The following NFYC variants were observed in gnomAD, a reference collection of about 807,000 sequenced individuals.
The protein encoded by NFYC is CAAT box DNA-binding protein subunit C.
NFYC carries 25 observed loss-of-function variants against 53.1 expected under a neutral mutation model. The ratio of observed to expected loss-of-function variants is 0.47; its 90% CI spans 0.34 to 0.66. NFYC has a LOEUF of 0.66. Ranked by LOEUF, NFYC falls within the 30% of genes least tolerant of loss-of-function variation. NFYC has a pLI of 0.01. For synonymous variants in NFYC, 145 were observed against 152.6 expected, an observed-to-expected ratio of 0.95 and a Z score of 0.37; for missense variants, 260 against 422.7, an observed-to-expected ratio of 0.62 and a Z score of 3.38.
intron 7 of NFYC, among the ~76,000 whole-genome samples, chr1:40,765,668 C>T (rs1646775826): frequency 6.6e-6 from 1 of 152,188 alleles, no homozygotes; most frequent in Non-Finnish European, 1.5e-5. Flanking sequence ...CCCAGAACCC[C>T]TTTCATTTCC....
At position 40,747,333 on chromosome 1, in the gene NFYC, AT is replaced by A. The variant is rs543508657; in HGVS notation, c.106-199del. Reference sequence around the variant, plus strand: ...CCTAAGCTTTTTCTAAAGCCCATTAATTCTTTGAAGACCTGCATATGTTAAG... The same window carrying A: ...CCTAAGCTTTTTCTAAAGCCCATTAATCTTTGAAGACCTGCATATGTTAAG... On this transcript the variant is annotated intron_variant, in intron 2 of 9. Transcript: ENST00000447388. Among the ~76,000 whole-genome samples the A allele has an allele frequency of 3.3e-5, 5 of 151,596 alleles. No homozygotes were observed. In the East Asian group the frequency reaches 7.7e-4, roughly 23 times the overall value.
intron 1 of NFYC, among the ~76,000 whole-genome samples, chr1:40,699,532 T>C (rs540571003): frequency 2.0e-5 from 3 of 152,358 alleles, no homozygotes; most frequent in South Asian, 4.1e-4. Flanking sequence ...TAGAATTTGC[T>C]CATTATGAAA....
intron 1 of NFYC, chr1:40,730,707 C>T (rs537664476): frequency 1.4e-5 from 6 of 423,560 alleles, no homozygotes; most frequent in East Asian, 3.2e-4. Flanking sequence ...GGCTGCAAGT[C>T]GGTTTGGGGA....
chr1:40,771,012 T>C lies in NFYC; in HGVS notation c.*184T>C. 1.6e-6 allele frequency: 1 copy of C among 623,308 alleles called. No homozygotes were observed. The highest frequency in any genetic ancestry group is 2.1e-5 in the South Asian group (1 of 47,900). The allele number at this position is 623,308 out of a possible 1,614,324, so 38.6% of individuals were successfully genotyped here. ...TCTCCAGCAGAAAGATGCAATATTT[T>C]TTGTTTCCTTTTTTTCCATTTTTTT... On this transcript the variant is annotated 3_prime_UTR_variant, in exon 10 of 10. Transcript: ENST00000447388.
intron 7 of NFYC, among the ~76,000 whole-genome samples, chr1:40,765,193 G>T (rs1219677796): frequency 6.6e-6 from 1 of 152,144 alleles, no homozygotes; most frequent in Non-Finnish European, 1.5e-5. Flanking sequence ...GGGAATTCAG[G>T]CTTGGCACCA....
intron 2 of NFYC, among the ~76,000 whole-genome samples, chr1:40,742,765 A>C (rs751991104): frequency 5.3e-5 from 8 of 152,230 alleles, no homozygotes; most frequent in Non-Finnish European, 1.0e-4. Flanking sequence ...TATTTGAGTA[A>C]GAATGCAATC....
intron 1 of NFYC, among the ~76,000 whole-genome samples, chr1:40,713,620 T>G (rs1385121768): frequency 2.6e-5 from 4 of 152,220 alleles, no homozygotes; most frequent in African/African-American, 9.6e-5. Flanking sequence ...TGGGAATCAC[T>G]TAGGGATCTA....
At chr1:40,769,320 G>A in intron 8 of NFYC, 36 bp from the exon 9 acceptor site, 1 of 1,607,316 alleles carries the variant, frequency 6.2e-7, no homozygotes, top group Non-Finnish European at 8.5e-7. Flanking sequence ...AGACCCTGCA[G>A]CTGACATACC....
chr1:40,735,493 C>A (rs1644981546), intron 1 of NFYC: 2 of 681,450 alleles, frequency 2.9e-6, no homozygotes, highest in Non-Finnish European at 3.6e-6. Context: ...TAAAAGCAGA[C>A]TGCACAGATG....
In NFYC at chr1:40,731,929, T is replaced by C. The variant is rs1405526269; in HGVS notation, c.-8-6907T>C. Among the ~76,000 whole-genome samples the C allele has an allele frequency of 3.3e-5, 5 of 152,270 alleles. No homozygotes were observed. The South Asian group carries it at 6.2e-4, about 19-fold the overall frequency. On this transcript the variant is annotated intron_variant, in intron 1 of 9. Transcript: ENST00000447388. ...AATATGGAATAGGAACTAACTCTTA[T>C]TTATGTCAATTAGCCTTTGGTAAAA... is the stretch of plus-strand genomic sequence containing the variant.
At position 40,770,223 on chromosome 1, in the gene NFYC, C is replaced by T. The variant is rs1647019673; in HGVS notation, c.889-486C>T. ...TACCAGGCCACCTCCTTAGCAGGGT[C>T]CATGGAGAAAATTCAAATTCAGTTT... On this transcript the variant is annotated intron_variant, in intron 9 of 9. Transcript: ENST00000447388. This position sits in a 1 kb window ranked among gnomAD's most constrained non-coding sequence, Gnocchi z 5.3. 3.0e-6 allele frequency: 2 copies of T among 670,388 alleles called. No homozygotes were observed. Among genetic ancestry groups the T allele is most frequent in the East Asian group, 5.5e-5 (2 of 36,600 alleles). The allele number at this position is 670,388 out of a possible 1,614,324, so 41.5% of individuals were successfully genotyped here.
chr1:40,750,105 T>C (rs1645831205), intron 4 of NFYC, among the ~76,000 whole-genome samples: 1 of 152,194 alleles, frequency 6.6e-6, no homozygotes, highest in African/African-American at 2.4e-5. Context: ...CATTAGGCTT[T>C]TTGTTCCTTG....
intron 9 of NFYC, among the ~76,000 whole-genome samples, chr1:40,769,979 C>T (rs950755635): frequency 2.6e-5 from 4 of 152,312 alleles, no homozygotes; most frequent in Middle Eastern, 3.4e-3. Context: ...GTGCCCTCTG[C>T]TGCTCAAAAG....
intron 5 of NFYC, among the ~76,000 whole-genome samples, chr1:40,755,900 G>T (rs1258559237): frequency 6.6e-6 from 1 of 152,082 alleles, no homozygotes. Flanking sequence ...TTTGCTTTTT[G>T]TCTGACAAAA....
chr1:40,731,786 G>A (rs563438838), intron 1 of NFYC, among the ~76,000 whole-genome samples: 6 of 152,200 alleles, frequency 3.9e-5, no homozygotes, highest in African/African-American at 1.4e-4. Context: ...GCCTGGCCCC[G>A]GCCTTTATTT....
intron 1 of NFYC, among the ~76,000 whole-genome samples, chr1:40,733,082 T>C (rs1644853386): frequency 1.4e-5 from 2 of 143,914 alleles, no homozygotes; most frequent in South Asian, 4.8e-4. Flanking sequence ...TAGGGGTAAT[T>C]AGTTATCAGA....
At chr1:40,714,199 G>A (rs1329485340) in intron 1 of NFYC, among the ~76,000 whole-genome samples, 1 of 152,194 alleles carries the variant, frequency 6.6e-6, no homozygotes, top group Non-Finnish European at 1.5e-5. Flanking sequence ...GGCTCTTAAA[G>A]TGAGTCCACA....
intron 8 of NFYC, among the ~76,000 whole-genome samples, chr1:40,767,793 A>G (rs1646894474): frequency 6.6e-6 from 1 of 152,134 alleles, no homozygotes; most frequent in Non-Finnish European, 1.5e-5. Flanking sequence ...AGCCTGGCCA[A>G]CATGGCAAAA....
intron 1 of NFYC, among the ~76,000 whole-genome samples, chr1:40,728,630 G>A (rs1644627387): frequency 6.6e-6 from 1 of 151,940 alleles, no homozygotes; most frequent in African/African-American, 2.4e-5. Context: ...TGTGCAAGCA[G>A]ATTAATGTTT....
Sources: gnomAD v4.1 joint callset for allele counts (sites outside exome capture counted in the v4.1 genomes callset) on GRCh38, gnomAD v4.1.1 for gene constraint, Gnocchi (gnomAD v3.1) non-coding constraint, MANE v1.5 for transcripts, NCBI Gene and HGNC (gene_info 2026-07-23, HGNC 2026-07-21) for gene names.